The following WNT7A variants were observed in gnomAD, a reference collection of about 807,000 sequenced individuals.
WNT7A encodes the protein protein Wnt-7a.
A neutral mutation model predicts 28.2 loss-of-function variants in WNT7A; 16 were observed. The ratio of observed to expected loss-of-function variants is 0.57; its 90% CI spans 0.38 to 0.86. The LOEUF is 0.86. Ranked by LOEUF, WNT7A falls within the 40% of genes least tolerant of loss-of-function variation. The pLI is 0.00. For missense variants in WNT7A, 411 were observed against 489.7 expected (o/e 0.84, Z 1.52); for synonymous variants, 190 against 195.9 (o/e 0.97, Z 0.25).
rs1695050378 is a variant in WNT7A, at chr3:13,873,123, G to C, written c.298+1824C>G. Among the ~76,000 whole-genome samples the C allele has an allele frequency of 2.0e-5, 3 of 152,136 alleles. No individual in the cohort carries two copies. In the South Asian group the frequency reaches 6.2e-4, roughly 32 times the overall value. On this transcript the variant is annotated intron_variant, in intron 2 of 3. Transcript: ENST00000285018. ...TTAAGCAACCTAAACTGGAGTCTCAGTGTTGATGCCACTCACTATGTGACC... is the reference window on the plus strand; with the variant it reads ...TTAAGCAACCTAAACTGGAGTCTCACTGTTGATGCCACTCACTATGTGACC...
At chr3:13,847,153 G>T (rs770242155) in intron 3 of WNT7A, among the ~76,000 whole-genome samples, 1 of 152,208 alleles carries the variant, frequency 6.6e-6, no homozygotes, top group Non-Finnish European at 1.5e-5. Context: ...GGCCTCGTGG[G>T]CACCCTCCGC....
At chr3:13,872,630 G>A (rs1009365715) in intron 2 of WNT7A, among the ~76,000 whole-genome samples, 2 of 152,146 alleles carry the variant, frequency 1.3e-5, no homozygotes, top group Admixed American at 6.5e-5. Flanking sequence ...AAGCCCACTA[G>A]AATGCCTCTT....
At chr3:13,877,530 T>A (rs1199141158) in intron 1 of WNT7A, among the ~76,000 whole-genome samples, 1 of 152,238 alleles carries the variant, frequency 6.6e-6, no homozygotes, top group East Asian at 1.9e-4. Context: ...TAGGTTGGCA[T>A]ACTGGGGCCA....
At chr3:13,879,687 T>A in intron 1 of WNT7A, 59 bp downstream of exon 1, 1 of 1,573,736 alleles carries the variant, frequency 6.4e-7, no homozygotes, top group Non-Finnish European at 8.7e-7. Flanking sequence ...CACACCTCCC[T>A]CCCCGGGCCG....
chr3:13,862,819 G>A (rs1213182045), intron 2 of WNT7A, among the ~76,000 whole-genome samples: 4 of 152,252 alleles, frequency 2.6e-5, no homozygotes, highest in Non-Finnish European at 4.4e-5. Context: ...CTTGCCAATG[G>A]TCAGCATCTA....
chr3:13,839,191 G>A (rs950227472), intron 3 of WNT7A, among the ~76,000 whole-genome samples: 3 of 152,102 alleles, frequency 2.0e-5, no homozygotes, highest in African/African-American at 7.2e-5. Context: ...GTGGTTCCTG[G>A]ACCAACCAGC....
chr3:13,875,474 G>A (rs925551945), intron 1 of WNT7A, among the ~76,000 whole-genome samples: 2 of 152,118 alleles, frequency 1.3e-5, no homozygotes, highest in African/African-American at 2.4e-5. Context: ...AAGGCAAGTT[G>A]CCTTTGAGTT....
At chr3:13,830,760 A>T (rs1436829791) in intron 3 of WNT7A, among the ~76,000 whole-genome samples, 2 of 152,200 alleles carry the variant, frequency 1.3e-5, no homozygotes, top group African/African-American at 4.8e-5. Flanking sequence ...TCCAGGGCAG[A>T]CAGAGCTCCC....
intron 2 of WNT7A, among the ~76,000 whole-genome samples, chr3:13,871,219 A>T (rs901598515): frequency 1.3e-5 from 2 of 152,208 alleles, no homozygotes; most frequent in African/African-American, 4.8e-5. Context: ...GCTCAAAGTC[A>T]GGACTTAATG....
Position 13,854,652 on chromosome 3 carries a change from ACCCCACTTCCAG to A in WNT7A, c.438_449del (p.Trp147_Gly150del). 6.2e-7 allele frequency: 1 copy of A among 1,613,234 alleles called. No individual in the cohort carries two copies. Among genetic ancestry groups the A allele is most frequent in the Non-Finnish European group, 8.5e-7 (1 of 1,179,818 alleles). On this transcript the variant is annotated inframe_deletion, in exon 3 of 4. Coordinates refer to ENST00000285018, the MANE Select transcript of WNT7A (RefSeq NM_004625.4). The stretch of plus-strand genomic sequence containing the variant: ...CGTAGCGGATGTCGGCAGAGCAGCC[ACCCCACTTCCAG>A]CCCTCGTCCCGGTGGTACTGGCCTT...
chr3:13,856,748 G>A (rs1307669711), intron 2 of WNT7A, among the ~76,000 whole-genome samples: 4 of 151,998 alleles, frequency 2.6e-5, no homozygotes, highest in East Asian at 3.9e-4. Context: ...AACCTGGGAG[G>A]TGGAGGTTGC....
intron 3 of WNT7A, among the ~76,000 whole-genome samples, chr3:13,842,656 C>A (rs1257920029): frequency 6.6e-6 from 1 of 152,148 alleles, no homozygotes; most frequent in Non-Finnish European, 1.5e-5. Context: ...AAGGCCAGGG[C>A]CAGGGTTTGG....
At chr3:13,854,929 C>T (rs1223673682) in intron 2 of WNT7A, 126 bp from the exon 3 acceptor site, 34 of 1,288,180 alleles carry the variant, frequency 2.6e-5, no homozygotes, top group East Asian at 2.0e-4. Context: ...ACTGAGTACC[C>T]GTTCCTAACT....
rs1001370464 is a variant in WNT7A at position 13,840,064 on chromosome 3, T to C, written c.570+14468A>G. On this transcript the variant is annotated intron_variant, in intron 3 of 3. Transcript: ENST00000285018. ...CACTCCCCACTCTCTAACACATCTC[T>C]CTGTGACCTCCTCTCCTCCCTGACA... Among the ~76,000 whole-genome samples, 3 of 152,182 alleles carry C rather than the reference T, an allele frequency of 2.0e-5. No homozygotes were observed. In the South Asian group the frequency reaches 6.2e-4, roughly 32 times the overall value.
intron 3 of WNT7A, among the ~76,000 whole-genome samples, chr3:13,846,111 C>A (rs1475801040): frequency 6.6e-6 from 1 of 152,224 alleles, no homozygotes; most frequent in Non-Finnish European, 1.5e-5. Context: ...CTCTCCCAGG[C>A]AGAAGGTGGT....
chr3:13,836,316 T>C (rs1301328135), intron 3 of WNT7A, among the ~76,000 whole-genome samples: 1 of 151,814 alleles, frequency 6.6e-6, no homozygotes, highest in Non-Finnish European at 1.5e-5. Context: ...CGTGTGGGCA[T>C]GCAGGGCTCA....
rs151290035 is a variant in WNT7A at position 13,853,356 on chromosome 3, A to G, written c.570+1176T>C. On this transcript the variant is annotated intron_variant, in intron 3 of 3. Coordinates refer to ENST00000285018, the MANE Select transcript of WNT7A (RefSeq NM_004625.4). ...TGGCTGAAACCTGAAGGACAAGGAC[A>G]TGGCAGCCACAGGCAGATCTGGGGG... is the stretch of plus-strand genomic sequence containing the variant. Among the ~76,000 whole-genome samples, 33 of 152,344 alleles carry G rather than the reference A, an allele frequency of 2.2e-4. No individual in the cohort carries two copies. In the East Asian group the frequency reaches 6.4e-3, roughly 29 times the overall value.
chr3:13,871,817 G>T (rs936295607), intron 2 of WNT7A, among the ~76,000 whole-genome samples: 9 of 152,226 alleles, frequency 5.9e-5, no homozygotes, highest in Non-Finnish European at 1.0e-4. Context: ...CCCAAAGTCG[G>T]ATACTGTCCC....
intron 3 of WNT7A, among the ~76,000 whole-genome samples, chr3:13,836,957 G>T (rs990763551): frequency 1.3e-5 from 2 of 152,170 alleles, no homozygotes; most frequent in African/African-American, 4.8e-5. Context: ...CCTGAAGGGA[G>T]GCCTAGATGG....
Sources: allele counts gnomAD v4.1 joint callset (sites outside exome capture counted in the v4.1 genomes callset), GRCh38; gene constraint gnomAD v4.1.1; transcripts MANE v1.5; gene names NCBI Gene and HGNC (gene_info 2026-07-23, HGNC 2026-07-21).